The following PSMD11 variants were observed in gnomAD, a reference collection of about 807,000 sequenced individuals.
PSMD11 encodes the protein proteasome 26S subunit, non-ATPase 11, also known as 26S proteasome non-ATPase regulatory subunit 11.
In PSMD11, 5 loss-of-function variants were observed where a neutral mutation model predicts 62.3. The ratio of observed to expected loss-of-function variants is 0.08; its 90% CI spans 0.04 to 0.17. PSMD11 has a LOEUF of 0.17. Among genes scored for constraint, PSMD11 ranks in the 10% least tolerant of loss-of-function variants. The pLI, the probability that PSMD11 is intolerant of heterozygous loss-of-function variation, is 1.00. For missense variants in PSMD11, 310 were observed against 512.9 expected, an observed-to-expected ratio of 0.60 and a Z score of 3.82; for synonymous variants, 191 against 191.8, an observed-to-expected ratio of 1.00 and a Z score of 0.03.
At chr17:32,452,628 G>C (rs917570633) in intron 2 of PSMD11, among the ~76,000 whole-genome samples, 1 of 152,188 alleles carries the variant, frequency 6.6e-6, no homozygotes, top group African/African-American at 2.4e-5. Flanking sequence ...TCAAAACAGA[G>C]GAAGTTGGGG....
chr17:32,473,452 G>T (rs1328579158), intron 6 of PSMD11, among the ~76,000 whole-genome samples: 1 of 151,634 alleles, frequency 6.6e-6, no homozygotes, highest in Non-Finnish European at 1.5e-5. Flanking sequence ...AATTTTTTTT[G>T]TAATTTTAGT....
At chr17:32,449,337 T>G (rs1257286326) in intron 2 of PSMD11, among the ~76,000 whole-genome samples, 1 of 152,072 alleles carries the variant, frequency 6.6e-6, no homozygotes, top group Non-Finnish European at 1.5e-5. Context: ...CCGAGGAGGT[T>G]GAGGCTGTAG....
At chr17:32,456,112 C>G (rs548785982) in intron 3 of PSMD11, among the ~76,000 whole-genome samples, 4 of 145,384 alleles carry the variant, frequency 2.8e-5, no homozygotes, top group East Asian at 2.0e-4. Context: ...CCATTGCACT[C>G]CAGCCTGGGT....
chr17:32,469,646 AT>A (rs1908102741), intron 6 of PSMD11, among the ~76,000 whole-genome samples: 1 of 152,116 alleles, frequency 6.6e-6, no homozygotes, highest in Non-Finnish European at 1.5e-5. Flanking sequence ...GAGTGCGTGA[AT>A]GTGAGGCTGG....
At chr17:32,480,698 T>A in intron 13 of PSMD11, 55 bp from the exon 14 acceptor site, 1 of 1,561,702 alleles carries the variant, frequency 6.4e-7, no homozygotes. Flanking sequence ...ACTGAAAACC[T>A]CCTCCTGGTG....
At chr17:32,467,658 A>C (rs1908037025) in intron 5 of PSMD11, among the ~76,000 whole-genome samples, 2 of 151,992 alleles carry the variant, frequency 1.3e-5, no homozygotes, top group Non-Finnish European at 2.9e-5. Context: ...CCCAACCTGG[A>C]TGGAGTACAG....
rs190394074 is a variant in PSMD11, at chr17:32,456,968, G to T, written c.318+2349G>T. On this transcript the variant is annotated intron_variant, in intron 3 of 13. Transcript: ENST00000261712. ...AGGCGTGAGCCACTGTGCCTGACTT[G>T]CATTTATTTAATGATCATTTCTCCT... 8.2e-4 allele frequency among the ~76,000 whole-genome samples: 125 copies of T among 152,222 alleles called. 2 individuals are homozygous for T. The South Asian group carries it at 0.013, about 16-fold the overall frequency.
chr17:32,468,549 G>GA (rs1223020609), intron 5 of PSMD11, among the ~76,000 whole-genome samples: 2 of 152,196 alleles, frequency 1.3e-5, no homozygotes, highest in East Asian at 3.8e-4. Context: ...TGAGATGGGG[G>GA]AGTCAGGGAA....
chr17:32,460,656 C>T (rs1015273250), intron 3 of PSMD11, among the ~76,000 whole-genome samples: 1 of 151,788 alleles, frequency 6.6e-6, no homozygotes, highest in African/African-American at 2.4e-5. Context: ...GCCTGAAGTC[C>T]CAGCTACTGG....
At chr17:32,465,943 C>T (rs1264788994) in intron 5 of PSMD11, among the ~76,000 whole-genome samples, 1 of 151,954 alleles carries the variant, frequency 6.6e-6, no homozygotes. Flanking sequence ...CCACTGTACT[C>T]CAGCCTGGGC....
At chr17:32,466,865 A>G (rs528657014) in intron 5 of PSMD11, among the ~76,000 whole-genome samples, 38 of 152,212 alleles carry the variant, frequency 2.5e-4, no homozygotes, top group South Asian at 1.2e-3. Context: ...TTTGTTTTGC[A>G]TCTCCCTAAT....
At chr17:32,451,995 G>A (rs1033906393) in intron 2 of PSMD11, among the ~76,000 whole-genome samples, 10 of 152,296 alleles carry the variant, frequency 6.6e-5, no homozygotes, top group African/African-American at 2.4e-4. Context: ...CTTCCAAAGT[G>A]CTAGGATTAT....
At chr17:32,460,581 G>A (rs1362827705) in intron 3 of PSMD11, among the ~76,000 whole-genome samples, 1 of 152,012 alleles carries the variant, frequency 6.6e-6, no homozygotes, top group Non-Finnish European at 1.5e-5. Context: ...AGACTATCCT[G>A]GCTAACACGG....
At chr17:32,447,131 C>A in intron 2 of PSMD11, 85 bp downstream of exon 2, 3 of 1,058,770 alleles carry the variant, frequency 2.8e-6, no homozygotes, top group Non-Finnish European at 4.0e-6. Flanking sequence ...GACTGATCCA[C>A]AAACTGAATT....
chr17:32,451,593 TTAAAAA>T (rs1042453770), intron 2 of PSMD11, among the ~76,000 whole-genome samples: 2 of 152,062 alleles, frequency 1.3e-5, no homozygotes, highest in African/African-American at 2.4e-5. Flanking sequence ...AATAAAGAAA[TTAAAAA>T]TAAAGAGTAG....
chr17:32,464,266 A>T, intron 4 of PSMD11, 146 bp downstream of exon 4: 2 of 860,794 alleles, frequency 2.3e-6, no homozygotes, highest in Non-Finnish European at 3.7e-6. Flanking sequence ...CCCACTTATG[A>T]TAATTGCTCT....
intron 8 of PSMD11, 103 bp downstream of exon 8, chr17:32,474,927 C>G (rs769872865): frequency 3.0e-5 from 30 of 1,013,592 alleles, no homozygotes; most frequent in Non-Finnish European, 4.2e-5. Flanking sequence ...TCATACTACT[C>G]TCTTCCTTCT....
intron 1 of PSMD11, chr17:32,445,372 C>T (rs1169627262): frequency 6.6e-6 from 1 of 152,178 alleles, no homozygotes; most frequent in Non-Finnish European, 1.5e-5. Flanking sequence ...AGTTAGTTGT[C>T]AGCCGCGGAG....
chr17:32,475,838 C>T (rs893579673), intron 8 of PSMD11, among the ~76,000 whole-genome samples: 1 of 151,880 alleles, frequency 6.6e-6, no homozygotes, highest in Non-Finnish European at 1.5e-5. Context: ...AGTGATCCGC[C>T]CACCTCAACC....
Sources: gnomAD v4.1 joint callset for allele counts (sites outside exome capture counted in the v4.1 genomes callset) on GRCh38, gnomAD v4.1.1 for gene constraint, MANE v1.5 for transcripts, NCBI Gene and HGNC (gene_info 2026-07-23, HGNC 2026-07-21) for gene names.